The following SDAD1 variants were observed in gnomAD, a reference collection of about 807,000 sequenced individuals.
SDAD1 encodes protein SDA1 homolog.
A neutral mutation model predicts 100.3 loss-of-function variants in SDAD1; 79 were observed. That is an observed-to-expected ratio of 0.79 (90% CI 0.66 to 0.95). SDAD1 has a LOEUF of 0.95. SDAD1 is among the 40% of genes least tolerant of loss of function. SDAD1 has a pLI of 0.00. For missense variants in SDAD1, 790 were observed against 810.9 expected, an observed-to-expected ratio of 0.97 and a Z score of 0.31; for synonymous variants, 267 against 271.4, an observed-to-expected ratio of 0.98 and a Z score of 0.16.
chr4:75,960,961 T>C, intron 16 of SDAD1, 67 bp downstream of exon 16: 4 of 1,290,898 alleles, frequency 3.1e-6, no homozygotes, highest in Non-Finnish European at 3.4e-6. Flanking sequence ...AAAATCCTAA[T>C]TGTAGGAAAT....
chr4:75,964,201 GATTGAATA>G lies in SDAD1; in HGVS notation c.1107_1114del (p.Gln371AlafsTer38). On this transcript the variant is annotated frameshift_variant and splice_region_variant, in exon 14 of 22. Coordinates refer to ENST00000356260, the MANE Select transcript of SDAD1 (RefSeq NM_018115.4). LOFTEE classifies it high-confidence loss of function. ...ATTGTTTGCCACAGTCATAAGCAAT[GATTGAATA>G]ATCTGAATTGGAAACAAAAAAGAGA... The G allele has an allele frequency of 6.2e-7, 1 of 1,605,658 alleles. No homozygotes were observed. The highest frequency in any genetic ancestry group is 8.5e-7 in the Non-Finnish European group (1 of 1,176,080).
At position 75,967,265 on chromosome 4, in the gene SDAD1, G is replaced by C; in HGVS notation, c.1045+12C>G. 1 of 1,613,152 alleles carries C rather than the reference G, an allele frequency of 6.2e-7. No homozygotes were observed. The highest frequency in any genetic ancestry group is 8.5e-7 in the Non-Finnish European group (1 of 1,179,084). ...CAAGGCCACCAAAGAAACATGGCAA[G>C]TGGCAGCTTACCTCTTTGGTGGGGC... On this transcript the variant is annotated intron_variant, in intron 12 of 21. Transcript: ENST00000356260.
rs577990541 is a variant in SDAD1 at position 75,958,069 on chromosome 4, T to C, written c.1484-128A>G. The stretch of plus-strand genomic sequence containing the variant: ...ACATTATTAACCAAGAACTGAGCAA[T>C]ATTTATTGTTAAATAAACAATGTGC... On this transcript the variant is annotated intron_variant, in intron 17 of 21. Coordinates refer to ENST00000356260, the MANE Select transcript of SDAD1 (RefSeq NM_018115.4). The C allele has an allele frequency of 1.1e-5, 8 of 761,114 alleles. No individual in the cohort carries two copies. The South Asian group carries it at 1.3e-4, about 12-fold the overall frequency. The allele number at this position is 761,114 out of a possible 1,614,324, so 47.1% of individuals were successfully genotyped here.
In SDAD1 at chr4:75,954,482, G is replaced by A. The variant is rs1339951588; in HGVS notation, c.2016+1493C>T. 2.0e-5 allele frequency among the ~76,000 whole-genome samples: 3 copies of A among 151,882 alleles called. 1 individual carries two copies. The highest frequency in any genetic ancestry group is 4.2e-4 in the South Asian group (2 of 4,806). On this transcript the variant is annotated intron_variant, in intron 21 of 21. Coordinates refer to ENST00000356260, the MANE Select transcript of SDAD1 (RefSeq NM_018115.4). ...GAGTCCAGCAGTTTGAAACCAGACT[G>A]GGCAACATGGCAAAACCCCATCTCT... is the stretch of plus-strand genomic sequence containing the variant.
rs1402317627 is a variant in SDAD1 at position 75,961,012 on chromosome 4, A to C, written c.1356+16T>G. 6.2e-7 allele frequency: 1 copy of C among 1,609,184 alleles called. No homozygotes were observed. Among genetic ancestry groups the C allele is most frequent in the African/African-American group, 1.3e-5 (1 of 74,830 alleles). On this transcript the variant is annotated intron_variant, in intron 16 of 21. Coordinates refer to ENST00000356260, the MANE Select transcript of SDAD1 (RefSeq NM_018115.4). Reference sequence around the variant, plus strand: ...AGACCATAACCTTTAGACCAACATAAGTGTGCTTTACCTACCCGGAATTTC... The same window carrying C: ...AGACCATAACCTTTAGACCAACATACGTGTGCTTTACCTACCCGGAATTTC...
chr4:75,965,511 A>G (rs779699702), intron 13 of SDAD1, among the ~76,000 whole-genome samples: 10 of 152,092 alleles, frequency 6.6e-5, no homozygotes, highest in Non-Finnish European at 1.5e-4. Flanking sequence ...AAAATCACTA[A>G]TAAAACCTTG....
chr4:75,967,748 C>T (rs1168429905), intron 11 of SDAD1, among the ~76,000 whole-genome samples: 1 of 151,990 alleles, frequency 6.6e-6, no homozygotes, highest in Admixed American at 6.6e-5. Flanking sequence ...TGAATAGCAC[C>T]GAGTATAATT....
At chr4:75,990,029 G>C (rs1209401003) in intron 1 of SDAD1, among the ~76,000 whole-genome samples, 5 of 152,206 alleles carry the variant, frequency 3.3e-5, no homozygotes, top group Non-Finnish European at 5.9e-5. Flanking sequence ...TCTGAAGGAA[G>C]CACCTGTCAG....
intron 1 of SDAD1, among the ~76,000 whole-genome samples, chr4:75,983,028 G>A (rs1185696347): frequency 1.3e-5 from 2 of 151,766 alleles, no homozygotes; most frequent in Non-Finnish European, 2.9e-5. Flanking sequence ...CCACTTATGA[G>A]TGAGAACATG....
At chr4:75,985,733 G>T (rs1730852427) in intron 1 of SDAD1, among the ~76,000 whole-genome samples, 1 of 152,000 alleles carries the variant, frequency 6.6e-6, no homozygotes, top group Admixed American at 6.6e-5. Flanking sequence ...TCACTTCCAT[G>T]GTCACACCCT....
chr4:75,957,474 C>T, intron 19 of SDAD1, 44 bp downstream of exon 19: 1 of 1,611,744 alleles, frequency 6.2e-7, no homozygotes. Context: ...GCTTTCATTA[C>T]CACATGAGCT....
chr4:75,969,800 A>G (rs1729761587), intron 10 of SDAD1, among the ~76,000 whole-genome samples: 1 of 152,128 alleles, frequency 6.6e-6, no homozygotes, highest in Admixed American at 6.6e-5. Flanking sequence ...CTTGCCATAC[A>G]TTAGAGTACT....
intron 1 of SDAD1, among the ~76,000 whole-genome samples, chr4:75,984,969 T>C (rs1730801501): frequency 6.6e-6 from 1 of 152,156 alleles, no homozygotes; most frequent in Non-Finnish European, 1.5e-5. Context: ...AGGCTTTTTC[T>C]AAGAACAGAA....
intron 1 of SDAD1, among the ~76,000 whole-genome samples, chr4:75,988,946 A>AT (rs1332161204): frequency 1.3e-5 from 2 of 152,160 alleles, no homozygotes; most frequent in African/African-American, 4.8e-5. Context: ...GATCCATTAT[A>AT]TTAGTTACCC....
At chr4:75,986,120 C>G (rs533391305) in intron 1 of SDAD1, among the ~76,000 whole-genome samples, 1 of 151,978 alleles carries the variant, frequency 6.6e-6, no homozygotes, top group Non-Finnish European at 1.5e-5. Context: ...TTATTTTTTT[C>G]ATTTTAATTT....
In SDAD1 at chr4:75,970,304, C is replaced by T. The variant is rs756191317; in HGVS notation, c.883+5G>A. The T allele has an allele frequency of 1.7e-5, 27 of 1,611,730 alleles. No individual in the cohort carries two copies. Among genetic ancestry groups the T allele is most frequent in the Middle Eastern group, 1.7e-4 (1 of 6,060 alleles). ...ACAAGGAACTCGGACGTCATAATAA[C>T]GTACCTTGGGGATCATGAATCAAGT... On this transcript the variant is annotated splice_donor_5th_base_variant and intron_variant, in intron 10 of 21. Transcript: ENST00000356260.
rs547396759 is a variant in SDAD1, at chr4:75,950,459, C to T, written c.*291G>A. On this transcript the variant is annotated 3_prime_UTR_variant, in exon 22 of 22. Coordinates refer to ENST00000356260, the MANE Select transcript of SDAD1 (RefSeq NM_018115.4). ...GTCAATGCCTTGAGTGAAGGGGTTA[C>T]AGCTCATTCGTTTTGCATCTACAGT... 3 of 311,382 alleles carry T rather than the reference C, an allele frequency of 9.6e-6. No homozygotes were observed. Among genetic ancestry groups the T allele is most frequent in the South Asian group, 1.2e-4 (2 of 16,980 alleles). The allele number at this position is 311,382 out of a possible 1,614,324, so 19.3% of individuals were successfully genotyped here. A position where few individuals can be genotyped will look rare whatever the true frequency, so the allele number is the denominator to read the frequency against.
In SDAD1 at chr4:75,957,592, T is replaced by A. The variant is rs750048402; in HGVS notation, c.1695A>T (p.Arg565Ser). The change falls in exon 19 of 22, where the codon AGA (arginine) becomes AGT (serine). Residue 565 changes from arginine to serine, a missense_variant. By Grantham distance (110) the Arg-to-Ser change is moderately radical (BLOSUM62 -1). Coordinates refer to ENST00000356260, the MANE Select transcript of SDAD1 (RefSeq NM_018115.4). ...DFQKIRMAQM[R>S]KELDAAPGKS... The stretch of plus-strand genomic sequence containing the variant: ...TCCCGGGGGCAGCATCAAGTTCTTT[T>A]CTCATTTGGGCCATGCGGATTTTCT... The A allele has an allele frequency of 8.7e-6, 14 of 1,614,210 alleles. No homozygotes were observed. Among genetic ancestry groups the A allele is most frequent in the South Asian group, 1.1e-5 (1 of 91,082 alleles).
intron 1 of SDAD1, among the ~76,000 whole-genome samples, chr4:75,987,344 C>A (rs758427352): frequency 3.3e-5 from 5 of 152,178 alleles, no homozygotes; most frequent in African/African-American, 7.2e-5. Context: ...CATATAGATG[C>A]ACCTATTCTG....
Sources: allele counts gnomAD v4.1 joint callset (sites outside exome capture counted in the v4.1 genomes callset), GRCh38; gene constraint gnomAD v4.1.1; transcripts MANE v1.5; gene names NCBI Gene and HGNC (gene_info 2026-07-23, HGNC 2026-07-21).